Variants in TANC2 observed in about 807,000 individuals in gnomAD.
The protein encoded by TANC2 is protein TANC2.
Under a neutral mutation model 210.5 loss-of-function variants are expected in TANC2, and 26 were observed. The observed-to-expected ratio is 0.12, with a 90% CI of 0.09 to 0.17. TANC2 has a LOEUF of 0.17. Among genes scored for constraint, TANC2 ranks in the 10% least tolerant of loss-of-function variants. TANC2 has a pLI of 1.00. For missense variants in TANC2, 2,129 were observed against 2,608.9 expected (o/e 0.82, Z 4.01); for synonymous variants, 931 against 967.1 (o/e 0.96, Z 0.69).
chr17:63,307,721 T>G (rs980557012), intron 9 of TANC2, among the ~76,000 whole-genome samples: 4 of 152,148 alleles, frequency 2.6e-5, no homozygotes, highest in Non-Finnish European at 5.9e-5. Flanking sequence ...AATTTAAATT[T>G]GGGCATACTC....
At chr17:63,163,392 A>G (rs1339520855) in intron 5 of TANC2, among the ~76,000 whole-genome samples, 1 of 152,144 alleles carries the variant, frequency 6.6e-6, no homozygotes, top group Non-Finnish European at 1.5e-5. Flanking sequence ...AAAAATTGTT[A>G]TTGTAATACT....
chr17:63,140,388 A>C (rs2039245212), intron 4 of TANC2, among the ~76,000 whole-genome samples: 1 of 152,246 alleles, frequency 6.6e-6, no homozygotes, highest in African/African-American at 2.4e-5. Context: ...TTCACCCAAC[A>C]AATGTTGGCA....
At chr17:63,334,291 A>G (rs564308862) in intron 11 of TANC2, among the ~76,000 whole-genome samples, 40 of 152,336 alleles carry the variant, frequency 2.6e-4, no homozygotes, top group African/African-American at 9.6e-4. Flanking sequence ...TTTGGTGCCA[A>G]AAAGCAAGAA....
In TANC2 at chr17:63,125,401, T is replaced by C. The variant is rs187300249; in HGVS notation, c.323-25869T>C. Among the ~76,000 whole-genome samples the C allele has an allele frequency of 1.9e-3, 284 of 152,340 alleles. 1 individual carries two copies. Among genetic ancestry groups the C allele is most frequent in the African/African-American group, 6.6e-3 (273 of 41,576 alleles). On this transcript the variant is annotated intron_variant, in intron 4 of 27. Transcript: ENST00000689528. ...CTTTCTTTAAAGTCCTGTGTACTTT[T>C]CCTTTTTTTCTTTGTTGAGAAGGGA...
At chr17:62,990,577 C>T (rs1171310221) in intron 1 of TANC2, among the ~76,000 whole-genome samples, 1 of 152,100 alleles carries the variant, frequency 6.6e-6, no homozygotes, top group Non-Finnish European at 1.5e-5. Context: ...AGTCACTGTG[C>T]CCTACCATGA....
intron 5 of TANC2, among the ~76,000 whole-genome samples, chr17:63,171,522 A>C (rs1393132975): frequency 6.6e-6 from 1 of 152,208 alleles, no homozygotes; most frequent in African/African-American, 2.4e-5. Flanking sequence ...CCAGAAAAAA[A>C]ATTTTAATAG....
intron 9 of TANC2, among the ~76,000 whole-genome samples, chr17:63,273,817 A>G (rs1298815114): frequency 3.3e-5 from 5 of 152,204 alleles, no homozygotes; most frequent in Admixed American, 6.5e-5. Flanking sequence ...GGAAGTTTTC[A>G]GAAATGCAGA....
chr17:63,098,478 A>ACT (rs2037486315), intron 3 of TANC2, among the ~76,000 whole-genome samples: 1 of 30,902 alleles, frequency 3.2e-5, no homozygotes, highest in East Asian at 3.5e-4. Flanking sequence ...ACACACACAC[A>ACT]CATACACTCT....
At chr17:63,082,552 A>G (rs926149836) in intron 3 of TANC2, among the ~76,000 whole-genome samples, 8 of 152,202 alleles carry the variant, frequency 5.3e-5, no homozygotes, top group African/African-American at 1.9e-4. Flanking sequence ...TTGATTTATT[A>G]AGAAGGAAGG....
intron 8 of TANC2, among the ~76,000 whole-genome samples, chr17:63,244,072 G>A (rs2042850639): frequency 6.6e-6 from 1 of 152,196 alleles, no homozygotes; most frequent in South Asian, 2.1e-4. Flanking sequence ...AGAGGAATGA[G>A]CAGGAGTATC....
intron 9 of TANC2, among the ~76,000 whole-genome samples, chr17:63,280,685 G>A (rs2044033201): frequency 6.6e-6 from 1 of 151,964 alleles, no homozygotes; most frequent in South Asian, 2.1e-4. Flanking sequence ...GTCTGATTCT[G>A]TTTATTAGCA....
At chr17:63,278,938 G>T (rs2043976962) in intron 9 of TANC2, among the ~76,000 whole-genome samples, 1 of 152,130 alleles carries the variant, frequency 6.6e-6, no homozygotes, top group African/African-American at 2.4e-5. Context: ...CCAGGAGCTG[G>T]GGGAAAGAGG....
intron 7 of TANC2, among the ~76,000 whole-genome samples, chr17:63,227,538 T>C (rs954874041): frequency 2.0e-5 from 3 of 152,352 alleles, no homozygotes; most frequent in African/African-American, 7.2e-5. Context: ...TACAAAAACT[T>C]TCTCCCATTC....
intron 19 of TANC2, among the ~76,000 whole-genome samples, chr17:63,403,774 T>G (rs896798121): frequency 6.6e-6 from 1 of 152,244 alleles, no homozygotes; most frequent in Non-Finnish European, 1.5e-5. Context: ...TACCACATTT[T>G]ACTTCATAAG....
At chr17:63,386,171 T>C (rs1567973683) in intron 15 of TANC2, among the ~76,000 whole-genome samples, 1 of 152,180 alleles carries the variant, frequency 6.6e-6, no homozygotes, top group Non-Finnish European at 1.5e-5. Flanking sequence ...TTAAAAGCTA[T>C]AATAGTGAGG....
chr17:63,391,670 C>T (rs960166890), intron 17 of TANC2: 3 of 151,738 alleles, frequency 2.0e-5, no homozygotes, highest in African/African-American at 7.3e-5. Flanking sequence ...AATAAAGCAG[C>T]TTTGTCTTAT....
At chr17:63,252,409 TATTGTACATTTTGTTGTACAAA>T (rs1348657009) in intron 8 of TANC2, among the ~76,000 whole-genome samples, 4 of 152,132 alleles carry the variant, frequency 2.6e-5, no homozygotes, top group Non-Finnish European at 4.4e-5. Flanking sequence ...AAATGTACAA[TATTGTACATTTTGTTGTACAAA>T]ATTATTGTTG....
Position 63,113,593 on chromosome 17 carries a change from A to G in TANC2, c.322+14236A>G, listed in dbSNP as rs528383825. On this transcript the variant is annotated intron_variant, in intron 4 of 27. Transcript: ENST00000689528. ...CACAATCACTGCTCATTGCAGCCTCAACCTCCTGGGGTCAAGAGATCTTCC... is the reference window on the plus strand; with the variant it reads ...CACAATCACTGCTCATTGCAGCCTCGACCTCCTGGGGTCAAGAGATCTTCC... Among the ~76,000 whole-genome samples, 10 of 152,198 alleles carry G rather than the reference A, an allele frequency of 6.6e-5. No homozygotes were observed. In the South Asian group the frequency reaches 1.9e-3, roughly 28 times the overall value.
At chr17:63,399,078 T>G (rs2048260092) in intron 19 of TANC2, 164 bp downstream of exon 19, 1 of 454,444 alleles carries the variant, frequency 2.2e-6, no homozygotes, top group African/African-American at 2.0e-5. Flanking sequence ...GTTTTCCTCT[T>G]TCAATCCTCT....
Sources: gnomAD v4.1 joint callset for allele counts (sites outside exome capture counted in the v4.1 genomes callset) on GRCh38, gnomAD v4.1.1 for gene constraint, MANE v1.5 for transcripts, NCBI Gene and HGNC (gene_info 2026-07-23, HGNC 2026-07-21) for gene names.